The following PPM1L variants were observed in gnomAD, a reference collection of about 807,000 sequenced individuals.
PPM1L encodes the protein protein phosphatase, Mg2+/Mn2+ dependent 1L.
PPM1L carries 13 observed loss-of-function variants against 31.4 expected under a neutral mutation model. The ratio of observed to expected loss-of-function variants is 0.41; its 90% CI spans 0.27 to 0.66. PPM1L has a LOEUF of 0.66. Ranked by LOEUF, PPM1L falls within the 30% of genes least tolerant of loss-of-function variation. The pLI, the probability that PPM1L is intolerant of heterozygous loss-of-function variation, is 0.29. For missense variants in PPM1L, 326 were observed against 453.7 expected, an observed-to-expected ratio of 0.72 and a Z score of 2.56; for synonymous variants, 184 against 175.4, an observed-to-expected ratio of 1.05 and a Z score of -0.39.
chr3:160,814,787 G>T (rs1055371345), intron 1 of PPM1L, among the ~76,000 whole-genome samples: 7 of 150,990 alleles, frequency 4.6e-5, no homozygotes, highest in Non-Finnish European at 8.8e-5. Flanking sequence ...CCACATAATG[G>T]TATATAAACA....
At chr3:161,003,200 G>A (rs1224567474) in intron 2 of PPM1L, among the ~76,000 whole-genome samples, 43 of 149,338 alleles carry the variant, frequency 2.9e-4, no homozygotes, top group Non-Finnish European at 5.1e-4. Flanking sequence ...TGATCTATAT[G>A]TCTGTTTTGG....
intron 1 of PPM1L, among the ~76,000 whole-genome samples, chr3:160,763,602 C>G (rs890478511): frequency 6.6e-6 from 1 of 152,184 alleles, no homozygotes; most frequent in Admixed American, 6.5e-5. Flanking sequence ...GCTGCTGGAA[C>G]TATTAGCACT....
intron 1 of PPM1L, chr3:160,939,509 C>G (rs935500): frequency 6.6e-6 from 1 of 152,138 alleles, no homozygotes; most frequent in African/African-American, 2.4e-5. Flanking sequence ...CCACGTGTTG[C>G]GGAAGGGTCC....
chr3:160,871,528 C>A (rs1232702907), intron 1 of PPM1L, among the ~76,000 whole-genome samples: 1 of 152,070 alleles, frequency 6.6e-6, no homozygotes, highest in East Asian at 1.9e-4. Context: ...TTTGTTAAAC[C>A]AAGAACCTCA....
intron 2 of PPM1L, among the ~76,000 whole-genome samples, chr3:161,041,088 TC>T (rs1282391380): frequency 2.0e-5 from 3 of 152,222 alleles, no homozygotes; most frequent in Non-Finnish European, 2.9e-5. Context: ...CTATAGGACT[TC>T]AAAGGAACCT....
intron 1 of PPM1L, among the ~76,000 whole-genome samples, chr3:160,759,737 G>A (rs1714919053): frequency 6.6e-6 from 1 of 152,064 alleles, no homozygotes. Context: ...GAAGGCCCAG[G>A]AAAAAACGCC....
At chr3:160,788,366 T>C (rs138703699) in intron 1 of PPM1L, among the ~76,000 whole-genome samples, 2 of 152,182 alleles carry the variant, frequency 1.3e-5, no homozygotes, top group African/African-American at 4.8e-5. Context: ...ATTTTATTCC[T>C]TTTGTAAAAC....
At chr3:160,982,066 C>G (rs1281136803) in intron 2 of PPM1L, among the ~76,000 whole-genome samples, 1 of 152,062 alleles carries the variant, frequency 6.6e-6, no homozygotes, top group Non-Finnish European at 1.5e-5. Context: ...GCGCTTGGCC[C>G]CCTCTCGTTT....
At position 160,927,174 on chromosome 3, in the gene PPM1L, A is replaced by G. The variant is rs143197287; in HGVS notation, c.400-34562A>G. Among the ~76,000 whole-genome samples the G allele has an allele frequency of 7.2e-3, 1,101 of 152,228 alleles. 18 individuals are homozygous for G. Among genetic ancestry groups the G allele is most frequent in the African/African-American group, 0.025 (1,044 of 41,526 alleles). On this transcript the variant is annotated intron_variant, in intron 1 of 3. Coordinates refer to ENST00000498165, the MANE Select transcript of PPM1L (RefSeq NM_139245.4). ...CATGACTTAAAGATAGAAAACCCTA[A>G]CCTGTATTACTTTAATACACCAACG...
chr3:160,780,102 G>C (rs1711692766), intron 1 of PPM1L, among the ~76,000 whole-genome samples: 1 of 151,528 alleles, frequency 6.6e-6, no homozygotes, highest in East Asian at 1.9e-4. Flanking sequence ...ACTGCCCATT[G>C]CAGCCTCAAA....
chr3:160,990,516 G>A (rs189957869), intron 2 of PPM1L, among the ~76,000 whole-genome samples: 5 of 152,284 alleles, frequency 3.3e-5, no homozygotes, highest in Non-Finnish European at 7.4e-5. Flanking sequence ...TGTCAGATGT[G>A]TGTACACAGA....
At chr3:161,052,797 A>G (rs1325757102) in intron 2 of PPM1L, among the ~76,000 whole-genome samples, 4 of 152,192 alleles carry the variant, frequency 2.6e-5, no homozygotes, top group Admixed American at 6.5e-5. Context: ...TTCTACACCA[A>G]TAACAAAAAG....
At chr3:160,850,499 T>C (rs543109217) in intron 1 of PPM1L, among the ~76,000 whole-genome samples, 11 of 152,262 alleles carry the variant, frequency 7.2e-5, no homozygotes, top group Non-Finnish European at 1.5e-4. Context: ...CAACCTCCAG[T>C]CCTGCCCCTC....
chr3:160,956,492 TTCAGGTGTACAGC>T (rs1286092071), intron 1 of PPM1L, among the ~76,000 whole-genome samples: 1 of 152,218 alleles, frequency 6.6e-6, no homozygotes, highest in Non-Finnish European at 1.5e-5. Flanking sequence ...CAACCTTTAA[TTCAGGTGTACAGC>T]TCTGATGTAC....
At chr3:160,920,615 T>TCTCTCTCTCTCA (rs1389629070) in intron 1 of PPM1L, among the ~76,000 whole-genome samples, 424 of 28,614 alleles carry the variant, frequency 0.015, 2 homozygotes, top group Non-Finnish European at 0.034. Flanking sequence ...TCTCTCTCTC[T>TCTCTCTCTCTCA]CACACACACA....
chr3:161,038,112 T>C (rs1400179592), intron 2 of PPM1L, among the ~76,000 whole-genome samples: 4 of 150,714 alleles, frequency 2.7e-5, no homozygotes, highest in African/African-American at 9.7e-5. Flanking sequence ...CGGGCGCCTG[T>C]AGTCCCAGCT....
At chr3:161,014,157 G>T (rs1321344659) in intron 2 of PPM1L, among the ~76,000 whole-genome samples, 3 of 152,102 alleles carry the variant, frequency 2.0e-5, no homozygotes, top group Admixed American at 1.3e-4. Context: ...GCAGTGGCTG[G>T]TACTGGTTGT....
intron 2 of PPM1L, among the ~76,000 whole-genome samples, chr3:161,041,857 A>G (rs1391357925): frequency 2.0e-5 from 3 of 152,220 alleles, no homozygotes; most frequent in Non-Finnish European, 2.9e-5. Context: ...GACATTTCTT[A>G]ATGTCAGAAA....
intron 1 of PPM1L, among the ~76,000 whole-genome samples, chr3:160,901,276 C>T (rs936697037): frequency 8.5e-5 from 13 of 152,108 alleles, no homozygotes; most frequent in Admixed American, 7.9e-4. Context: ...CCACCCAAAC[C>T]TGAACTTTCC....
Sources: allele counts gnomAD v4.1 joint callset (sites outside exome capture counted in the v4.1 genomes callset), GRCh38; gene constraint gnomAD v4.1.1; transcripts MANE v1.5; gene names NCBI Gene and HGNC (gene_info 2026-07-23, HGNC 2026-07-21).